Variants in RNGTT observed in about 807,000 individuals in gnomAD.
RNGTT encodes RNA guanylyltransferase and 5'-phosphatase.
A neutral mutation model predicts 79.3 loss-of-function variants in RNGTT; 33 were observed. The ratio of observed to expected loss-of-function variants is 0.42; its 90% CI spans 0.32 to 0.56. The LOEUF is 0.56. RNGTT is among the 20% of genes least tolerant of loss of function. RNGTT has a pLI of 0.17. For missense variants in RNGTT, 497 were observed against 739.1 expected, an observed-to-expected ratio of 0.67 and a Z score of 3.80; for synonymous variants, 222 against 235.9, an observed-to-expected ratio of 0.94 and a Z score of 0.54.
intron 14 of RNGTT, among the ~76,000 whole-genome samples, chr6:88,636,526 T>C (rs1055851793): frequency 3.3e-5 from 5 of 152,012 alleles, no homozygotes; most frequent in African/African-American, 1.2e-4. Context: ...CTGAATAGTA[T>C]TCTCAAAGCA....
chr6:88,782,337 C>G (rs1324633254), intron 12 of RNGTT, among the ~76,000 whole-genome samples: 1 of 151,948 alleles, frequency 6.6e-6, no homozygotes, highest in East Asian at 1.9e-4. Flanking sequence ...AAAATATATA[C>G]TAACTACCAC....
chr6:88,821,373 A>T (rs756149762), intron 11 of RNGTT, among the ~76,000 whole-genome samples: 1 of 152,180 alleles, frequency 6.6e-6, no homozygotes, highest in Non-Finnish European at 1.5e-5. Context: ...ATTAAATTTT[A>T]GAAAGCATAT....
At chr6:88,615,801 A>AT (rs1460842782) in intron 14 of RNGTT, among the ~76,000 whole-genome samples, 1 of 152,244 alleles carries the variant, frequency 6.6e-6, no homozygotes, top group Non-Finnish European at 1.5e-5. Context: ...TGCCTGGGAC[A>AT]TAGAACAATC....
Position 88,941,125 on chromosome 6 carries a change from A to G in RNGTT, c.120T>C (p.Ala40=). ...TGCTGGGATGGAACCGATTTTCTTC[A>G]GCAACTTGACTATCATATCTTGGTC... ...MLGPRYDSQV[A]EENRFHPSML... Residue 40 remains alanine (A), a synonymous_variant, in exon 2 of 16, where the codon GCT becomes GCC. Transcript: ENST00000369485. 1 of 1,613,818 alleles carries G rather than the reference A, an allele frequency of 6.2e-7. No individual in the cohort carries two copies. Among genetic ancestry groups the G allele is most frequent in the Non-Finnish European group, 8.5e-7 (1 of 1,179,774 alleles).
intron 1 of RNGTT, 144 bp downstream of exon 1, chr6:88,963,202 C>G (rs1425761667): frequency 8.1e-6 from 6 of 744,344 alleles, no homozygotes; most frequent in Non-Finnish European, 1.3e-5. Flanking sequence ...TCCCATTCAT[C>G]CACGAAGCGT....
In RNGTT at chr6:88,827,944, G is replaced by A. The variant is rs1227451961; in HGVS notation, c.1269+16413C>T. On this transcript the variant is annotated intron_variant, in intron 11 of 15. Coordinates refer to ENST00000369485, the MANE Select transcript of RNGTT (RefSeq NM_003800.5). ...CCTGGGACAGAGTACCTGGGGGAAG[G>A]GGCAGCTATAGGCACAACTTCAGCA... Among the ~76,000 whole-genome samples, 3 of 152,264 alleles carry A rather than the reference G, an allele frequency of 2.0e-5. No homozygotes were observed. The East Asian group carries it at 5.8e-4, about 29-fold the overall frequency.
chr6:88,951,302 G>A (rs1355091882), intron 1 of RNGTT, among the ~76,000 whole-genome samples: 1 of 152,178 alleles, frequency 6.6e-6, no homozygotes, highest in Non-Finnish European at 1.5e-5. Context: ...GTTAAGATGT[G>A]AATATTGCTG....
chr6:88,810,762 A>G (rs918270631), intron 11 of RNGTT, among the ~76,000 whole-genome samples: 2 of 152,194 alleles, frequency 1.3e-5, no homozygotes, highest in African/African-American at 4.8e-5. Flanking sequence ...CTGGTATCCT[A>G]ATGTAAGAAG....
Position 88,614,887 on chromosome 6 carries a change from T to C in RNGTT, c.1507-492A>G, listed in dbSNP as rs544983237. On this transcript the variant is annotated intron_variant, in intron 14 of 15. Transcript: ENST00000369485. ...TAGGATCAAATTCAGGCAATGTACATCCTAAATATTTTGCTTTCCAAGCAG... is the reference window on the plus strand; with the variant it reads ...TAGGATCAAATTCAGGCAATGTACACCCTAAATATTTTGCTTTCCAAGCAG... Among the ~76,000 whole-genome samples, 3 of 152,314 alleles carry C rather than the reference T, an allele frequency of 2.0e-5. No homozygotes were observed. In the South Asian group the frequency reaches 6.2e-4, roughly 32 times the overall value.
intron 15 of RNGTT, among the ~76,000 whole-genome samples, chr6:88,613,247 T>C (rs539116579): frequency 3.3e-4 from 50 of 152,316 alleles, no homozygotes; most frequent in Admixed American, 2.6e-3. Context: ...TGCACTATAG[T>C]CCTTCAATCT....
intron 13 of RNGTT, among the ~76,000 whole-genome samples, chr6:88,681,768 T>C (rs1017567874): frequency 5.9e-5 from 9 of 152,162 alleles, no homozygotes; most frequent in South Asian, 4.1e-4. Flanking sequence ...TACCAGGTAA[T>C]TGTTTTGCCC....
At chr6:88,661,808 T>A (rs932595527) in intron 14 of RNGTT, among the ~76,000 whole-genome samples, 1 of 152,288 alleles carries the variant, frequency 6.6e-6, no homozygotes, top group Middle Eastern at 3.4e-3. Flanking sequence ...CCTCCCTAAA[T>A]CATTCCCTGA....
chr6:88,807,844 T>C (rs1427044578), intron 11 of RNGTT, among the ~76,000 whole-genome samples: 1 of 152,014 alleles, frequency 6.6e-6, no homozygotes, highest in African/African-American at 2.4e-5. Context: ...AAAAATAAGA[T>C]TGACAGCAGA....
At chr6:88,650,857 T>C (rs1410350036) in intron 14 of RNGTT, among the ~76,000 whole-genome samples, 1 of 152,032 alleles carries the variant, frequency 6.6e-6, no homozygotes, top group Non-Finnish European at 1.5e-5. Context: ...AAATGACAGG[T>C]AGGAGAAATA....
At chr6:88,641,497 A>G (rs1562165020) in intron 14 of RNGTT, among the ~76,000 whole-genome samples, 3 of 152,232 alleles carry the variant, frequency 2.0e-5, no homozygotes, top group Non-Finnish European at 2.9e-5. Flanking sequence ...AATGTGGATT[A>G]TAAATCACAC....
rs539710899 is a variant in RNGTT at position 88,908,687 on chromosome 6, G to A, written c.368-2247C>T. Among the ~76,000 whole-genome samples the A allele has an allele frequency of 4.6e-5, 7 of 152,306 alleles. No individual in the cohort carries two copies. In the South Asian group the frequency reaches 8.3e-4, roughly 18 times the overall value. ...CCCCACAGACCACGGTGCAGCTGCA[G>A]CAAAACACCACCATAGGGCCCATCC... On this transcript the variant is annotated intron_variant, in intron 4 of 15. Coordinates refer to ENST00000369485, the MANE Select transcript of RNGTT (RefSeq NM_003800.5).
chr6:88,771,313 GTGTATATATATATA>G (rs1235712254), intron 12 of RNGTT, among the ~76,000 whole-genome samples: 1 of 47,708 alleles, frequency 2.1e-5, no homozygotes, highest in African/African-American at 7.1e-5. Context: ...ATGTGTGTGT[GTGTATATATATATA>G]TATATATATA....
chr6:88,691,844 G>T (rs901699148), intron 13 of RNGTT, among the ~76,000 whole-genome samples: 2 of 151,868 alleles, frequency 1.3e-5, no homozygotes, highest in Non-Finnish European at 2.9e-5. Context: ...CTAAACAAGG[G>T]GTATAATATT....
intron 13 of RNGTT, among the ~76,000 whole-genome samples, chr6:88,764,516 T>C (rs1388384863): frequency 6.6e-6 from 1 of 152,196 alleles, no homozygotes; most frequent in African/African-American, 2.4e-5. Flanking sequence ...ACAACTATAT[T>C]TTACAAAAGA....
Sources: gnomAD v4.1 joint callset for allele counts (sites outside exome capture counted in the v4.1 genomes callset) on GRCh38, gnomAD v4.1.1 for gene constraint, MANE v1.5 for transcripts, NCBI Gene and HGNC (gene_info 2026-07-23, HGNC 2026-07-21) for gene names.